TP53INP1: variants seen among roughly 807,000 people sequenced by gnomAD.
TP53INP1 encodes the protein tumor protein p53 inducible nuclear protein 1.
TP53INP1 carries 12 observed loss-of-function variants against 21.0 expected under a neutral mutation model. That is an observed-to-expected ratio of 0.57 (90% CI 0.37 to 0.93). The LOEUF (loss-of-function observed/expected upper bound fraction) is 0.93. Among genes scored for constraint, TP53INP1 ranks in the 40% least tolerant of loss-of-function variants. The probability of loss-of-function intolerance (pLI) is 0.01; values close to 1 mark genes in which losing one functional copy is unlikely to be tolerated. For missense variants in TP53INP1, 274 were observed against 294.7 expected, an observed-to-expected ratio of 0.93 and a Z score of 0.51; for synonymous variants, 91 against 94.8, an observed-to-expected ratio of 0.96 and a Z score of 0.23.
intron 1 of TP53INP1, among the ~76,000 whole-genome samples, chr8:94,941,874 A>T (rs1821570460): frequency 6.6e-6 from 1 of 152,162 alleles, no homozygotes; most frequent in Non-Finnish European, 1.5e-5. Context: ...ATATTTATCC[A>T]TTTCTACCTG....
rs1821477058 is a variant in TP53INP1 at position 94,941,016 on chromosome 8, C to CA, written c.-76dup. ...TTCAAAACCTTGTCTTTAGTTGGCC[C>CA]AATGGTACCGACAGGAGATTAAAGT... On this transcript the variant is annotated 5_prime_UTR_variant, in exon 2 of 4. Transcript: ENST00000342697. 9.1e-7 allele frequency: 1 copy of CA among 1,102,878 alleles called. No homozygotes were observed. The highest frequency in any genetic ancestry group is 1.6e-5 in the African/African-American group (1 of 64,360). 68.3% of individuals were successfully genotyped at this position (1,102,878 alleles called of 1,614,324 possible). A position where few individuals can be genotyped will look rare whatever the true frequency, so the allele number is the denominator to read the frequency against.
intron 3 of TP53INP1, among the ~76,000 whole-genome samples, chr8:94,938,511 A>T (rs1821209035): frequency 6.6e-6 from 1 of 152,254 alleles, no homozygotes; most frequent in Non-Finnish European, 1.5e-5. Flanking sequence ...GGATGTGGTC[A>T]CTATAAAGAC....
rs772155217 is a variant in TP53INP1 at position 94,930,633 on chromosome 8, C to T, written c.569G>A (p.Arg190His). Residue 190 changes from arginine to histidine, a missense_variant, in exon 4 of 4, where the codon CGC (arginine) becomes CAC (histidine). Physicochemically the swap from Arg to His is conservative, Grantham distance 29 (BLOSUM62 0). Coordinates refer to ENST00000342697, the MANE Select transcript of TP53INP1 (RefSeq NM_033285.4). ...TTFLEQPKSF[R>H]PSQWIKEHSE... ...GTGTTCTTTTATCCACTGGGAAGGG[C>T]GAAAGCTCTTGGGTTGTTCCAGAAA... 1.4e-5 allele frequency: 23 copies of T among 1,614,026 alleles called. No individual in the cohort carries two copies. The East Asian group carries it at 2.0e-4, about 14-fold the overall frequency.
In TP53INP1 at chr8:94,938,363, C is replaced by T. The variant is rs551542769; in HGVS notation, c.473+1497G>A. On this transcript the variant is annotated intron_variant, in intron 3 of 3. Coordinates refer to ENST00000342697, the MANE Select transcript of TP53INP1 (RefSeq NM_033285.4). ...TCCAAGTTTGAAGACTGAGGCTGGACTGTGATACTGTAAAATATATATTCG... is the reference window on the plus strand; with the variant it reads ...TCCAAGTTTGAAGACTGAGGCTGGATTGTGATACTGTAAAATATATATTCG... 3.9e-5 allele frequency among the ~76,000 whole-genome samples: 6 copies of T among 152,312 alleles called. No homozygotes were observed. In the East Asian group the frequency reaches 1.2e-3, roughly 29 times the overall value.
intron 3 of TP53INP1, chr8:94,932,142 A>G (rs1586695638): frequency 6.3e-7 from 1 of 1,591,288 alleles, no homozygotes; most frequent in Non-Finnish European, 8.6e-7. Flanking sequence ...TTAAATCACT[A>G]GTAAGATTTA....
chr8:94,942,402 A>G (rs1821630028), intron 1 of TP53INP1, among the ~76,000 whole-genome samples: 1 of 152,050 alleles, frequency 6.6e-6, no homozygotes, highest in African/African-American at 2.4e-5. Flanking sequence ...CCCCAGGAGC[A>G]CAGGCAGCTC....
In TP53INP1 at chr8:94,930,297, A is replaced by C. The variant is rs977956706; in HGVS notation, c.*182T>G. 1.2e-5 allele frequency: 9 copies of C among 751,086 alleles called. No homozygotes were observed. The African/African-American group carries it at 1.4e-4, about 12-fold the overall frequency. The allele number at this position is 751,086 out of a possible 1,614,324, so 46.5% of individuals were successfully genotyped here. A position where few individuals can be genotyped will look rare whatever the true frequency, so the allele number is the denominator to read the frequency against. On this transcript the variant is annotated 3_prime_UTR_variant, in exon 4 of 4. Transcript: ENST00000342697. ...TACAAAAAAAGTAAATGTTAAAGGC[A>C]AGGCATTATGTGATACACAGCATAT...
At chr8:94,931,722 C>A (rs911460184) in intron 3 of TP53INP1, among the ~76,000 whole-genome samples, 1 of 152,116 alleles carries the variant, frequency 6.6e-6, no homozygotes, top group Admixed American at 6.6e-5. Flanking sequence ...CTCTTGTAAT[C>A]CCAACACTTT....
chr8:94,937,213 G>A (rs527630504), intron 3 of TP53INP1, among the ~76,000 whole-genome samples: 4 of 152,136 alleles, frequency 2.6e-5, no homozygotes, highest in African/African-American at 7.2e-5. Flanking sequence ...AGGCAGAGGC[G>A]GTGGATCACC....
intron 3 of TP53INP1, 89 bp from the exon 4 acceptor site, chr8:94,930,817 GCTAATTTGTTTA>G: frequency 7.0e-7 from 1 of 1,424,266 alleles, no homozygotes; most frequent in Non-Finnish European, 9.4e-7. Context: ...AATTTGCCAC[GCTAATTTGTTTA>G]TGGCTGAATG....
rs1279664269 is a variant in TP53INP1, at chr8:94,940,149, G to A, written c.184C>T (p.His62Tyr). 7.4e-6 allele frequency: 12 copies of A among 1,614,026 alleles called. No individual in the cohort carries two copies. The highest frequency in any genetic ancestry group is 1.0e-5 in the Non-Finnish European group (12 of 1,180,000). Residue 62 changes from histidine (H) to tyrosine (Y), a missense_variant, in exon 3 of 4, where the codon CAC (histidine) becomes TAC (tyrosine). By Grantham distance (83) the His-to-Tyr change is moderately conservative (BLOSUM62 2). Coordinates refer to ENST00000342697, the MANE Select transcript of TP53INP1 (RefSeq NM_033285.4). ...GGTAAACAGGAAAAGACTGAAGGGT[G>A]CTCAGTAGGTGACTCTTCACTGATG... ...EDISEESPTE[H>Y]PSVFSCLPAS... is the part of the protein sequence containing the mutation.
chr8:94,932,089 T>C (rs765944586), intron 3 of TP53INP1: 22 of 1,610,486 alleles, frequency 1.4e-5, no homozygotes, highest in Middle Eastern at 1.6e-4. Context: ...GTGAGTCTTA[T>C]AAGCAGCTTT....
rs1346745814 is a variant in TP53INP1, at chr8:94,930,646, G to A, written c.556C>T (p.Pro186Ser). The part of the protein sequence containing the change: ...LAAHTTFLEQ[P>S]KSFRPSQWIK... ...CACTGGGAAGGGCGAAAGCTCTTGG[G>A]TTGTTCCAGAAAAGTTGTATGAGCA... Residue 186 changes from proline (P) to serine (S), a missense_variant, in exon 4 of 4, where the codon CCC (proline) becomes TCC (serine). Pro to Ser is a moderately conservative substitution (Grantham distance 74). Coordinates refer to ENST00000342697, the MANE Select transcript of TP53INP1 (RefSeq NM_033285.4). 1 of 1,614,186 alleles carries A rather than the reference G, an allele frequency of 6.2e-7. No homozygotes were observed. The highest frequency in any genetic ancestry group is 8.5e-7 in the Non-Finnish European group (1 of 1,180,040).
At position 94,935,531 on chromosome 8, in the gene TP53INP1, A is replaced by G. The variant is rs186036042; in HGVS notation, c.473+4329T>C. ...GTGACCAACAATTGCTTGGGGCAAT[A>G]GACAGATTGATTAATCAAGATAATG... On this transcript the variant is annotated intron_variant, in intron 3 of 3. Coordinates refer to ENST00000342697, the MANE Select transcript of TP53INP1 (RefSeq NM_033285.4). Among the ~76,000 whole-genome samples the G allele has an allele frequency of 3.4e-3, 523 of 152,366 alleles. 3 individuals carry two copies. The highest frequency in any genetic ancestry group is 6.4e-3 in the Non-Finnish European group (434 of 68,036).
chr8:94,948,480 G>C (rs753568515), intron 1 of TP53INP1, among the ~76,000 whole-genome samples: 4 of 152,220 alleles, frequency 2.6e-5, no homozygotes, highest in Non-Finnish European at 5.9e-5. Context: ...TGCAAAGTCA[G>C]GTAGCGAAGA....
chr8:94,936,985 G>A (rs1301329483), intron 3 of TP53INP1, among the ~76,000 whole-genome samples: 1 of 152,232 alleles, frequency 6.6e-6, no homozygotes, highest in East Asian at 1.9e-4. Context: ...AGCTGCAAGT[G>A]AGACTAGTGC....
At chr8:94,933,450 C>A (rs1313842658) in intron 3 of TP53INP1, among the ~76,000 whole-genome samples, 1 of 152,014 alleles carries the variant, frequency 6.6e-6, no homozygotes, top group African/African-American at 2.4e-5. Flanking sequence ...GAGATCATTG[C>A]CTAAATAAGT....
intron 3 of TP53INP1, among the ~76,000 whole-genome samples, chr8:94,937,167 C>T (rs545063426): frequency 6.6e-6 from 1 of 152,290 alleles, no homozygotes; most frequent in Non-Finnish European, 1.5e-5. Flanking sequence ...CCAAAGGACA[C>T]ACTATACAGC....
At chr8:94,935,869 A>G (rs751639193) in intron 3 of TP53INP1, among the ~76,000 whole-genome samples, 2 of 152,198 alleles carry the variant, frequency 1.3e-5, no homozygotes, top group Non-Finnish European at 2.9e-5. Flanking sequence ...CTGGAGACAC[A>G]CTTCCCCTAC....
Sources: gnomAD v4.1 joint callset for allele counts (sites outside exome capture counted in the v4.1 genomes callset) on GRCh38, gnomAD v4.1.1 for gene constraint, MANE v1.5 for transcripts, NCBI Gene and HGNC (gene_info 2026-07-23, HGNC 2026-07-21) for gene names.